The following ZNF385D variants were observed in gnomAD, a reference collection of about 807,000 sequenced individuals.
ZNF385D encodes zinc finger protein 385D, also known as zinc finger protein 659.
A neutral mutation model predicts 35.8 loss-of-function variants in ZNF385D; 15 were observed. The observed-to-expected ratio is 0.42, with a 90% CI of 0.28 to 0.64. The LOEUF (loss-of-function observed/expected upper bound fraction) is 0.64, where lower values mean the gene tolerates loss of function less well. Among genes scored for constraint, ZNF385D ranks in the 30% least tolerant of loss-of-function variants. The pLI is 0.23. For synonymous variants in ZNF385D, 212 were observed against 186.8 expected (o/e 1.13, Z -1.10); for missense variants, 474 against 494.6 (o/e 0.96, Z 0.39).
intron 3 of ZNF385D, among the ~76,000 whole-genome samples, chr3:22,139,384 G>C (rs1424670161): frequency 1.3e-5 from 2 of 152,126 alleles, no homozygotes; most frequent in Non-Finnish European, 2.9e-5. Context: ...AACAATGATA[G>C]ACTGGATTAA....
intron 2 of ZNF385D, among the ~76,000 whole-genome samples, chr3:22,312,574 C>T (rs1255904733): frequency 6.6e-6 from 1 of 151,956 alleles, no homozygotes; most frequent in Non-Finnish European, 1.5e-5. Context: ...CAAATAACCC[C>T]ATCAAAAAGT....
chr3:21,439,494 G>A (rs901814250), intron 4 of ZNF385D, among the ~76,000 whole-genome samples: 1 of 152,016 alleles, frequency 6.6e-6, no homozygotes, highest in South Asian at 2.1e-4. Flanking sequence ...GCGTGACACT[G>A]TGGGTATTTA....
chr3:21,433,190 A>C (rs1179710170), intron 5 of ZNF385D, among the ~76,000 whole-genome samples: 1 of 152,170 alleles, frequency 6.6e-6, no homozygotes, highest in African/African-American at 2.4e-5. Flanking sequence ...TATCACTGAT[A>C]GCATTTAATG....
intron 3 of ZNF385D, among the ~76,000 whole-genome samples, chr3:21,877,197 C>A (rs1698025973): frequency 6.6e-6 from 1 of 152,074 alleles, no homozygotes; most frequent in African/African-American, 2.4e-5. Flanking sequence ...GATACTCTTT[C>A]TGTTTGCATA....
intron 3 of ZNF385D, among the ~76,000 whole-genome samples, chr3:21,761,506 G>A (rs1230612183): frequency 6.6e-6 from 1 of 152,138 alleles, no homozygotes; most frequent in Non-Finnish European, 1.5e-5. Flanking sequence ...TATCCCATTT[G>A]GGGCTTGTTT....
At chr3:21,875,734 A>C (rs1697929166) in intron 3 of ZNF385D, among the ~76,000 whole-genome samples, 1 of 152,082 alleles carries the variant, frequency 6.6e-6, no homozygotes, top group Admixed American at 6.6e-5. Context: ...GGCCACTCCA[A>C]GTAGTGGCAG....
chr3:22,351,467 C>G (rs1695913521), intron 2 of ZNF385D, among the ~76,000 whole-genome samples: 1 of 152,036 alleles, frequency 6.6e-6, no homozygotes, highest in African/African-American at 2.4e-5. Flanking sequence ...AAATACTTGG[C>G]CCAGCTGTCT....
chr3:21,858,144 A>G (rs552231001), intron 3 of ZNF385D, among the ~76,000 whole-genome samples: 215 of 140,930 alleles, frequency 1.5e-3, no homozygotes, highest in African/African-American at 5.4e-3. Flanking sequence ...CCTGGGACAC[A>G]GCAAGAGTCT....
chr3:21,436,867 A>G, intron 5 of ZNF385D, 103 bp downstream of exon 5: 1 of 1,055,556 alleles, frequency 9.5e-7, no homozygotes, highest in Admixed American at 2.7e-5. Context: ...AATAATTGCC[A>G]GTTTTCCTCC....
intron 3 of ZNF385D, among the ~76,000 whole-genome samples, chr3:21,842,190 G>T (rs1170192930): frequency 1.3e-5 from 2 of 151,902 alleles, no homozygotes; most frequent in African/African-American, 2.4e-5. Flanking sequence ...TCTCAATGTT[G>T]CAAGTCACCT....
intron 3 of ZNF385D, among the ~76,000 whole-genome samples, chr3:22,125,426 G>T (rs1431077881): frequency 1.3e-5 from 2 of 151,898 alleles, no homozygotes; most frequent in Non-Finnish European, 2.9e-5. Context: ...TAATTTTTAG[G>T]ATTTTTTTTC....
chr3:21,765,686 T>C (rs1280448407), intron 3 of ZNF385D, among the ~76,000 whole-genome samples: 1 of 150,430 alleles, frequency 6.6e-6, no homozygotes, highest in Non-Finnish European at 1.5e-5. Flanking sequence ...TACATATAAG[T>C]GCGTGCGTGC....
At chr3:21,814,891 C>T (rs367717499) in intron 3 of ZNF385D, among the ~76,000 whole-genome samples, 45 of 152,298 alleles carry the variant, frequency 3.0e-4, no homozygotes, top group Non-Finnish European at 5.6e-4. Context: ...TTCTTCTCAG[C>T]ACTACATCAC....
At chr3:21,564,353 C>T (rs920846124) in intron 3 of ZNF385D, among the ~76,000 whole-genome samples, 26 of 152,058 alleles carry the variant, frequency 1.7e-4, no homozygotes, top group African/African-American at 6.3e-4. Context: ...TATTAAACTG[C>T]AAGTATTTAA....
chr3:21,958,283 A>G (rs1702393349), intron 3 of ZNF385D, among the ~76,000 whole-genome samples: 1 of 152,114 alleles, frequency 6.6e-6, no homozygotes, highest in Admixed American at 6.6e-5. Flanking sequence ...GGGACACTGG[A>G]GATTGACAAT....
At chr3:22,105,430 T>C (rs1348698760) in intron 3 of ZNF385D, among the ~76,000 whole-genome samples, 1 of 152,050 alleles carries the variant, frequency 6.6e-6, no homozygotes, top group African/African-American at 2.4e-5. Flanking sequence ...TACATATACA[T>C]ACATACTTAT....
chr3:22,061,612 A>G (rs566602527), intron 3 of ZNF385D, among the ~76,000 whole-genome samples: 1 of 152,112 alleles, frequency 6.6e-6, no homozygotes, highest in Non-Finnish European at 1.5e-5. Flanking sequence ...GTCCAGCCCC[A>G]TTTCTTGTCA....
chr3:22,216,587 G>A (rs181168406), intron 2 of ZNF385D, among the ~76,000 whole-genome samples: 121 of 152,192 alleles, frequency 8.0e-4, no homozygotes, highest in African/African-American at 2.6e-3. Flanking sequence ...GCAATATTTC[G>A]TTTTGATTTA....
chr3:21,738,173 T>G (rs891147822), intron 1 of ZNF385D, among the ~76,000 whole-genome samples: 2 of 152,184 alleles, frequency 1.3e-5, no homozygotes, highest in Non-Finnish European at 2.9e-5. Context: ...GTGAGTTTGT[T>G]GCCTTCTTCA....
Sources: allele counts gnomAD v4.1 joint callset (sites outside exome capture counted in the v4.1 genomes callset), GRCh38; gene constraint gnomAD v4.1.1; transcripts MANE v1.5; gene names NCBI Gene and HGNC (gene_info 2026-07-23, HGNC 2026-07-21).